The following TIMM50 variants were observed in gnomAD, a reference collection of about 807,000 sequenced individuals.
TIMM50 encodes translocase of inner mitochondrial membrane 50.
In TIMM50, 34 loss-of-function variants were observed where a neutral mutation model predicts 49.6. The observed-to-expected ratio is 0.69, with a 90% CI of 0.52 to 0.91. The LOEUF (loss-of-function observed/expected upper bound fraction) is 0.91. Ranked by LOEUF, TIMM50 falls within the 40% of genes least tolerant of loss-of-function variation. The pLI is 0.00. For synonymous variants in TIMM50, 199 were observed against 198.4 expected (o/e 1.00, Z -0.03); for missense variants, 458 against 477.8 (o/e 0.96, Z 0.39).
At chr19:39,485,828 TG>T (rs766852346) in intron 6 of TIMM50, 21 bp downstream of exon 6, 1 of 1,613,620 alleles carries the variant, frequency 6.2e-7, no homozygotes, top group Non-Finnish European at 8.5e-7. Context: ...GGAAACCCAG[TG>T]GGTTGGGGAT....
Position 39,489,983 on chromosome 19 carries a change from G to T in TIMM50, c.*163G>T, listed in dbSNP as rs927190048. 1.9e-5 allele frequency: 13 copies of T among 679,558 alleles called. No homozygotes were observed. The highest frequency in any genetic ancestry group is 3.6e-5 in the African/African-American group (2 of 55,624). 42.1% of individuals were successfully genotyped at this position (679,558 alleles called of 1,614,324 possible). ...ATCAGGGTGAGGTCCGGGACTCTTG[G>T]GTCATCGTCCCACAGTGGCTGATCG... On this transcript the variant is annotated 3_prime_UTR_variant, in exon 11 of 11. Transcript: ENST00000607714.
At position 39,483,311 on chromosome 19, in the gene TIMM50, T is replaced by C; in HGVS notation, c.313+155T>C. On this transcript the variant is annotated intron_variant, in intron 4 of 10. Coordinates refer to ENST00000607714, the MANE Select transcript of TIMM50 (RefSeq NM_001001563.5). ...TGGATGGCTTTGTGGGGAGGGACAT[T>C]ACAAAGCCCAAGCCCACTTCCCTGG... is the stretch of plus-strand genomic sequence containing the variant. 3 of 954,020 alleles carry C rather than the reference T, an allele frequency of 3.1e-6. No individual in the cohort carries two copies. The South Asian group carries it at 4.6e-5, about 15-fold the overall frequency. The allele number at this position is 954,020 out of a possible 1,614,324, so 59.1% of individuals were successfully genotyped here.
In TIMM50 at chr19:39,492,430, T is replaced by A. The variant is rs570373147; in HGVS notation, c.*2610T>A. 6.6e-6 allele frequency: 1 copy of A among 152,112 alleles called. No individual in the cohort carries two copies. Among genetic ancestry groups the A allele is most frequent in the Non-Finnish European group, 1.5e-5 (1 of 68,060 alleles). The allele number at this position is 152,112 out of a possible 1,614,324, so 9.4% of individuals were successfully genotyped here. A position where few individuals can be genotyped will look rare whatever the true frequency, so the allele number is the denominator to read the frequency against. The stretch of plus-strand genomic sequence containing the variant: ...AAACCTTAGGCAAGGCACCTCTGCC[T>A]CAGTTTCCTCATCTCTAAAATGGGG... On this transcript the variant is annotated 3_prime_UTR_variant, in exon 11 of 11. Transcript: ENST00000607714.
chr19:39,485,773 A>G lies in TIMM50; in HGVS notation c.458A>G (p.Glu153Gly), dbSNP rs2079501054. Reference protein sequence around the residue: ...YYQPPYTLVLELTGVLLHPEW... With the variant: ...YYQPPYTLVLGLTGVLLHPEW... ...CAGCCACCCTACACGCTCGTTTTGG[A>G]GCTCACCGGCGTCCTCTTGCATCCT... The change falls in exon 6 of 11, where the codon GAG becomes GGG. Residue 153 changes from glutamate to glycine, a missense_variant. Transcript: ENST00000607714. 3 of 1,613,878 alleles carry G rather than the reference A, an allele frequency of 1.9e-6. No homozygotes were observed. The highest frequency in any genetic ancestry group is 2.5e-6 in the Non-Finnish European group (3 of 1,180,014).
Position 39,485,783 on chromosome 19 carries a change from C to T in TIMM50, c.468C>T (p.Gly156=), listed in dbSNP as rs377224451. 1.7e-4 allele frequency: 281 copies of T among 1,614,138 alleles called. No homozygotes were observed. Among genetic ancestry groups the T allele is most frequent in the Middle Eastern group, 1.2e-3 (7 of 6,062 alleles). Residue 156 remains glycine, a synonymous_variant, in exon 6 of 11, where the codon GGC becomes GGT. Coordinates refer to ENST00000607714, the MANE Select transcript of TIMM50 (RefSeq NM_001001563.5). The part of the protein sequence containing the change: ...PPYTLVLELT[G]VLLHPEWSLA... ...ACACGCTCGTTTTGGAGCTCACCGG[C>T]GTCCTCTTGCATCCTGAGTGGTCGG...
At position 39,493,622 on chromosome 19, in the gene TIMM50, G is replaced by C. The variant is rs1211473833; in HGVS notation, c.*3802G>C. 2 of 152,010 alleles carry C rather than the reference G, an allele frequency of 1.3e-5. No individual in the cohort carries two copies. Among genetic ancestry groups the C allele is most frequent in the Non-Finnish European group, 2.9e-5 (2 of 68,052 alleles). 9.4% of individuals were successfully genotyped at this position (152,010 alleles called of 1,614,324 possible). On this transcript the variant is annotated 3_prime_UTR_variant, in exon 11 of 11. Transcript: ENST00000607714. ...CTCCTGGCTCAGAAGCACCCCCACT[G>C]AGCACCTTGCGACCCCCCACTCCTG...
intron 4 of TIMM50, chr19:39,484,961 G>GT (rs368481831): frequency 0.2 from 28,889 of 147,812 alleles, 2,884 homozygotes; most frequent in Middle Eastern, 0.28. Flanking sequence ...GTTTTGTTTT[G>GT]TTTTTTTTTT....
Position 39,488,612 on chromosome 19 carries a change from G to A in TIMM50, c.927G>A (p.Ala309=), listed in dbSNP as rs890293690. The change falls in exon 10 of 11, where the codon GCG becomes GCA. Residue 309 remains alanine, a synonymous_variant. Coordinates refer to ENST00000607714, the MANE Select transcript of TIMM50 (RefSeq NM_001001563.5). ...ATGCCCTGGAGGATGACCCGCTGGC[G>A]GCTTTCAAACAGCGGCAAAGCCGGC... The part of the protein sequence containing the change: ...EHYALEDDPL[A]AFKQRQSRLE... 5.6e-6 allele frequency: 9 copies of A among 1,613,590 alleles called. No homozygotes were observed. Among genetic ancestry groups the A allele is most frequent in the African/African-American group, 2.7e-5 (2 of 74,896 alleles).
chr19:39,481,050 C>T, intron 1 of TIMM50, 89 bp downstream of exon 1: 1 of 1,422,510 alleles, frequency 7.0e-7, no homozygotes, highest in Non-Finnish European at 9.2e-7. Context: ...TCCGGGACGC[C>T]TCACCTCAGG....
rs938659132 is a variant in TIMM50 at position 39,492,318 on chromosome 19, G to A, written c.*2498G>A. On this transcript the variant is annotated 3_prime_UTR_variant, in exon 11 of 11. Transcript: ENST00000607714. Reference sequence around the variant, plus strand: ...AACATGGGAAGAGCCTGTCTCTTGCGGGGGGGGGAGAAGAAAGTTCTTGTC... The same window carrying A: ...AACATGGGAAGAGCCTGTCTCTTGCAGGGGGGGGAGAAGAAAGTTCTTGTC... 5.8e-5 allele frequency: 4 copies of A among 69,104 alleles called. No homozygotes were observed. Among genetic ancestry groups the A allele is most frequent in the African/African-American group, 1.2e-4 (3 of 24,552 alleles). 4.3% of individuals were successfully genotyped at this position (69,104 alleles called of 1,614,324 possible). A position where few individuals can be genotyped will look rare whatever the true frequency, so the allele number is the denominator to read the frequency against.
intron 10 of TIMM50, 86 bp from the exon 11 acceptor site, chr19:39,489,633 G>T: frequency 7.7e-7 from 1 of 1,293,202 alleles, no homozygotes; most frequent in Non-Finnish European, 1.1e-6. Flanking sequence ...GTGGTCCCTG[G>T]GCTGAGGCCT....
Position 39,492,637 on chromosome 19 carries a change from CG to C in TIMM50, c.*2820del, listed in dbSNP as rs1432191898. The stretch of plus-strand genomic sequence containing the variant: ...ATCCCAGCACTTTGGGAGACCGAGG[CG>C]GGTGGATCACCTGAGGTCAGGAGTT... On this transcript the variant is annotated 3_prime_UTR_variant, in exon 11 of 11. Coordinates refer to ENST00000607714, the MANE Select transcript of TIMM50 (RefSeq NM_001001563.5). 9 of 151,040 alleles carry C rather than the reference CG, an allele frequency of 6.0e-5. No individual in the cohort carries two copies. Among genetic ancestry groups the C allele is most frequent in the African/African-American group, 2.2e-4 (9 of 40,998 alleles). The allele number at this position is 151,040 out of a possible 1,614,324, so 9.4% of individuals were successfully genotyped here.
Position 39,489,732 on chromosome 19 carries a change from G to T in TIMM50, c.974G>T (p.Arg325Leu), listed in dbSNP as rs371263769. The T allele has an allele frequency of 8.1e-6, 13 of 1,607,252 alleles. No individual in the cohort carries two copies. The highest frequency in any genetic ancestry group is 1.1e-5 in the South Asian group (1 of 89,404). Reference sequence around the variant, plus strand: ...CCCCTACCCCAGGAGGAGCAGCAGCGCCTGGCCGAGCTCTCCAAGTCCAAC... The same window carrying T: ...CCCCTACCCCAGGAGGAGCAGCAGCTCCTGGCCGAGCTCTCCAAGTCCAAC... ...QSRLEQEEQQ[R>L]LAELSKSNKQ... The change falls in exon 11 of 11, where the codon CGC (arginine) becomes CTC (leucine). Residue 325 changes from arginine to leucine, a missense_variant. Physicochemically the swap from Arg to Leu is moderately radical, Grantham distance 102. Transcript: ENST00000607714.
Position 39,492,887 on chromosome 19 carries a change from AAAAAAC to A in TIMM50, c.*3073_*3078del, listed in dbSNP as rs1568445562. On this transcript the variant is annotated 3_prime_UTR_variant, in exon 11 of 11. Coordinates refer to ENST00000607714, the MANE Select transcript of TIMM50 (RefSeq NM_001001563.5). ...CTCTGTCTCCAAAAAAAAAAAAAAA[AAAAAAC>A]AAAAAAAAAACCAGTTTGACTTTAT... The A allele has an allele frequency of 5.5e-5, 8 of 144,670 alleles. No individual in the cohort carries two copies. The highest frequency in any genetic ancestry group is 2.2e-4 in the African/African-American group (8 of 36,892). The allele number at this position is 144,670 out of a possible 1,614,324, so 9.0% of individuals were successfully genotyped here.
rs375925357 is a variant in TIMM50 at position 39,484,206 on chromosome 19, T to C, written c.313+1050T>C. Reference sequence around the variant, plus strand: ...GGCCCATGTATTGCACTAAAAATACTGTATTAAAGTAGGTAGCCTTGTAAG... The same window carrying C: ...GGCCCATGTATTGCACTAAAAATACCGTATTAAAGTAGGTAGCCTTGTAAG... On this transcript the variant is annotated intron_variant, in intron 4 of 10. Transcript: ENST00000607714. 3.0e-4 allele frequency among the ~76,000 whole-genome samples: 45 copies of C among 152,270 alleles called. 1 individual carries two copies. The South Asian group carries it at 8.7e-3, about 29-fold the overall frequency.
intron 10 of TIMM50, among the ~76,000 whole-genome samples, chr19:39,489,466 G>A (rs7256864): frequency 5.3e-5 from 8 of 152,004 alleles, no homozygotes; most frequent in African/African-American, 1.4e-4. Flanking sequence ...GGAGTCTGTC[G>A]TCCCCCAAAC....
At chr19:39,481,024 G>T in intron 1 of TIMM50, 63 bp downstream of exon 1, 1 of 1,486,464 alleles carries the variant, frequency 6.7e-7, no homozygotes, top group Non-Finnish European at 8.9e-7. Flanking sequence ...CGGACATATC[G>T]CCGCCCCTTG....
At chr19:39,482,990 C>T in intron 3 of TIMM50, 74 bp downstream of exon 3, 4 of 1,610,664 alleles carry the variant, frequency 2.5e-6, no homozygotes, top group Non-Finnish European at 3.4e-6. Context: ...TTGGTCTGTT[C>T]AGGCACATTG....
At position 39,489,859 on chromosome 19, in the gene TIMM50, C is replaced by T; in HGVS notation, c.*39C>T. ...TCAAACTCAGTGCCTGGGTCCAGGG[C>T]CCCAGTGCTTCCAGACCAAGACTTG... is the stretch of plus-strand genomic sequence containing the variant. On this transcript the variant is annotated 3_prime_UTR_variant, in exon 11 of 11. Coordinates refer to ENST00000607714, the MANE Select transcript of TIMM50 (RefSeq NM_001001563.5). The T allele has an allele frequency of 6.4e-7, 1 of 1,559,746 alleles. No individual in the cohort carries two copies. The highest frequency in any genetic ancestry group is 8.7e-7 in the Non-Finnish European group (1 of 1,145,724).
Sources: allele counts gnomAD v4.1 joint callset (sites outside exome capture counted in the v4.1 genomes callset), GRCh38; gene constraint gnomAD v4.1.1; transcripts MANE v1.5; gene names NCBI Gene and HGNC (gene_info 2026-07-23, HGNC 2026-07-21).